Variants in PAAF1 observed in about 807,000 individuals in gnomAD.
PAAF1 encodes proteasomal ATPase associated factor 1, also known as proteasomal ATPase-associated factor 1.
Under a neutral mutation model 52.8 loss-of-function variants are expected in PAAF1, and 46 were observed. That is an observed-to-expected ratio of 0.87 (90% CI 0.69 to 1.11). The LOEUF (loss-of-function observed/expected upper bound fraction) is 1.11, where lower values mean the gene tolerates loss of function less well. Ranked by LOEUF, PAAF1 falls within the 50% of genes most tolerant of loss-of-function variation. The pLI, the probability that PAAF1 is intolerant of heterozygous loss-of-function variation, is 0.00. For synonymous variants in PAAF1, 178 were observed against 172.8 expected, an observed-to-expected ratio of 1.03 and a Z score of -0.24; for missense variants, 424 against 477.4, an observed-to-expected ratio of 0.89 and a Z score of 1.04.
chr11:73,897,730 C>T (rs1253070258), intron 4 of PAAF1, among the ~76,000 whole-genome samples: 1 of 150,950 alleles, frequency 6.6e-6, no homozygotes, highest in Non-Finnish European at 1.5e-5. Context: ...TCCTCACATC[C>T]CAGAAGATGG....
chr11:73,887,866 C>T (rs1459873561), intron 3 of PAAF1, among the ~76,000 whole-genome samples: 4 of 152,172 alleles, frequency 2.6e-5, no homozygotes, highest in Non-Finnish European at 1.5e-5. Flanking sequence ...TCTCCTGCCT[C>T]AGCCTCCTTA....
At chr11:73,893,545 T>C (rs1464875275) in intron 4 of PAAF1, among the ~76,000 whole-genome samples, 1 of 151,742 alleles carries the variant, frequency 6.6e-6, no homozygotes, top group African/African-American at 2.4e-5. Flanking sequence ...AAGACCAGCC[T>C]GGACAACATG....
chr11:73,899,561 GC>G, intron 5 of PAAF1, among the ~76,000 whole-genome samples: 1 of 151,970 alleles, frequency 6.6e-6, no homozygotes, highest in Admixed American at 6.6e-5. Flanking sequence ...ACAGGCATGT[GC>G]CACCACACAC....
At chr11:73,927,195 T>C in intron 11 of PAAF1, 90 bp from the exon 12 acceptor site, 1 of 942,804 alleles carries the variant, frequency 1.1e-6, no homozygotes, top group Non-Finnish European at 1.7e-6. Context: ...TCAGACTCCA[T>C]GGGACTAGTG....
intron 4 of PAAF1, among the ~76,000 whole-genome samples, chr11:73,898,505 A>C (rs927244865): frequency 6.6e-6 from 1 of 152,078 alleles, no homozygotes. Context: ...GGTGTGAGCC[A>C]CTGCACCTGG....
intron 6 of PAAF1, among the ~76,000 whole-genome samples, chr11:73,908,315 ATG>A (rs1232173940): frequency 2.8e-5 from 4 of 144,222 alleles, no homozygotes; most frequent in East Asian, 2.0e-4. Context: ...ATGTATATAT[ATG>A]TGTATATATG....
chr11:73,916,435 A>G, intron 8 of PAAF1, 110 bp from the exon 9 acceptor site: 2 of 660,502 alleles, frequency 3.0e-6, no homozygotes, highest in East Asian at 5.5e-5. Context: ...TAAAGGGGGA[A>G]GGAAGAAAAT....
In PAAF1 at chr11:73,904,301, C is replaced by T. The variant is rs139272425; in HGVS notation, c.532+3881C>T. ...GTTCAATAAGTAATTCTAAAATGCA[C>T]TTTAATCAGTTTGAAGTTAAATTGC... On this transcript the variant is annotated intron_variant, in intron 6 of 11. Coordinates refer to ENST00000310571, the MANE Select transcript of PAAF1 (RefSeq NM_025155.3). Among the ~76,000 whole-genome samples, 57 of 152,096 alleles carry T rather than the reference C, an allele frequency of 3.7e-4. No homozygotes were observed. The East Asian group carries it at 0.011, about 29-fold the overall frequency.
In PAAF1 at chr11:73,930,879, T is replaced by G. The variant is rs915603309; in HGVS notation, c.*3517T>G. On this transcript the variant is annotated 3_prime_UTR_variant, in exon 12 of 12. Transcript: ENST00000310571. ...GAAATGATGGTCATAGGGTGCAAAG[T>G]CTCAGGAGGAATATATTGTGTTTTG... 1 of 151,696 alleles carries G rather than the reference T, an allele frequency of 6.6e-6. No individual in the cohort carries two copies. Among genetic ancestry groups the G allele is most frequent in the Non-Finnish European group, 1.5e-5 (1 of 67,956 alleles). 9.4% of individuals were successfully genotyped at this position (151,696 alleles called of 1,614,324 possible).
intron 7 of PAAF1, among the ~76,000 whole-genome samples, chr11:73,910,490 G>A (rs938274369): frequency 8.5e-5 from 13 of 152,100 alleles, no homozygotes; most frequent in African/African-American, 3.1e-4. Context: ...AATTAAGAGG[G>A]GTAGTAGTAG....
chr11:73,893,605 C>A (rs1042079761), intron 4 of PAAF1, among the ~76,000 whole-genome samples: 1 of 150,868 alleles, frequency 6.6e-6, no homozygotes, highest in Non-Finnish European at 1.5e-5. Context: ...GGCGTGGTGG[C>A]GTGCACCTAT....
chr11:73,924,697 G>A lies in PAAF1; in HGVS notation c.1101G>A (p.Lys367=). ...LTGADCDPVY[K]VATWEKQIYT... is the part of the protein sequence containing the mutation. ...GGGCTGACTGTGACCCTGTGTACAA[G>A]GTACAGGCCTGAGACGACACCAGAC... is the stretch of plus-strand genomic sequence containing the variant. The change falls in exon 11 of 12, where the codon AAG becomes AAA. Residue 367 remains lysine (K), a splice_region_variant and synonymous_variant. Transcript: ENST00000310571. 6.2e-7 allele frequency: 1 copy of A among 1,613,568 alleles called. No homozygotes were observed. Among genetic ancestry groups the A allele is most frequent in the Middle Eastern group, 1.7e-4 (1 of 6,060 alleles).
Position 73,896,650 on chromosome 11 carries a change from G to T in PAAF1, c.283-2496G>T, listed in dbSNP as rs1000686073. ...CGATCAACAGGATCCCAAGGCAGAA[G>T]AATTTTTCTTAGTACGGAACAAAAT... On this transcript the variant is annotated intron_variant, in intron 4 of 11. Coordinates refer to ENST00000310571, the MANE Select transcript of PAAF1 (RefSeq NM_025155.3). Among the ~76,000 whole-genome samples, 26 of 152,226 alleles carry T rather than the reference G, an allele frequency of 1.7e-4. No homozygotes were observed. In the East Asian group the frequency reaches 4.4e-3, roughly 26 times the overall value.
rs544108750 is a variant in PAAF1 at position 73,904,276 on chromosome 11, G to A, written c.532+3856G>A. Among the ~76,000 whole-genome samples, 253 of 152,102 alleles carry A rather than the reference G, an allele frequency of 1.7e-3. 3 individuals carry two copies. Among genetic ancestry groups the A allele is most frequent in the South Asian group, 0.014 (69 of 4,828 alleles). ...GTAGTTTTGTGATTGTAACATATGA[G>A]TTCAATAAGTAATTCTAAAATGCAC... On this transcript the variant is annotated intron_variant, in intron 6 of 11. Transcript: ENST00000310571.
intron 3 of PAAF1, chr11:73,888,900 A>G: frequency 2.2e-6 from 1 of 452,302 alleles, no homozygotes; most frequent in Non-Finnish European, 3.9e-6. Flanking sequence ...ATGAGACTGC[A>G]TGTGGATGAA....
At chr11:73,877,712 T>C (rs1948782817) in intron 1 of PAAF1, among the ~76,000 whole-genome samples, 3 of 152,012 alleles carry the variant, frequency 2.0e-5, no homozygotes, top group Non-Finnish European at 4.4e-5. Context: ...ATGGTGAAAC[T>C]CCGTCTCTAC....
chr11:73,910,958 C>G (rs1355398476), intron 7 of PAAF1, among the ~76,000 whole-genome samples: 1 of 148,462 alleles, frequency 6.7e-6, no homozygotes, highest in Non-Finnish European at 1.5e-5. Flanking sequence ...CCATTGCACT[C>G]CAGCCCAGGC....
intron 10 of PAAF1, chr11:73,921,920 C>G: frequency 9.2e-7 from 1 of 1,088,066 alleles, no homozygotes; most frequent in Non-Finnish European, 1.4e-6. Context: ...TCTTTCTCAC[C>G]TTGGCTTTTG....
In PAAF1 at chr11:73,924,600, C is replaced by CT. The variant is rs767401064; in HGVS notation, c.1019-12dup. On this transcript the variant is annotated splice_polypyrimidine_tract_variant and intron_variant, in intron 10 of 11. Coordinates refer to ENST00000310571, the MANE Select transcript of PAAF1 (RefSeq NM_025155.3). ...GTTTTCTCTTAGTTATATGAATTTT[C>CT]TTTCTGCCTTTCAGGTGATGGAAGC... 4 of 1,609,378 alleles carry CT rather than the reference C, an allele frequency of 2.5e-6. No individual in the cohort carries two copies. The Admixed American group carries it at 5.0e-5, about 20-fold the overall frequency.
Sources: gnomAD v4.1 joint callset for allele counts (sites outside exome capture counted in the v4.1 genomes callset) on GRCh38, gnomAD v4.1.1 for gene constraint, MANE v1.5 for transcripts, NCBI Gene and HGNC (gene_info 2026-07-23, HGNC 2026-07-21) for gene names.